Variants in LIPI observed in about 807,000 individuals in gnomAD.
LIPI encodes lipase I.
LIPI carries 59 observed loss-of-function variants against 50.6 expected under a neutral mutation model. The ratio of observed to expected loss-of-function variants is 1.16; its 90% CI spans 0.94 to 1.45. The LOEUF (loss-of-function observed/expected upper bound fraction) is 1.45, where lower values mean the gene tolerates loss of function less well. Ranked by LOEUF, LIPI falls within the 40% of genes most tolerant of loss-of-function variation. The pLI is 0.00. For missense variants in LIPI, 586 were observed against 536.3 expected, an observed-to-expected ratio of 1.09 and a Z score of -0.92; for synonymous variants, 203 against 178.2, an observed-to-expected ratio of 1.14 and a Z score of -1.11.
chr21:14,194,768 T>C lies in LIPI; in HGVS notation c.47-5349A>G, dbSNP rs143844869. ...TGGTTGCATGACAGTGTGCATGCAG[T>C]TAATGCCACTAACCTATAAACTTAA... On this transcript the variant is annotated intron_variant, in intron 1 of 9. Coordinates refer to ENST00000681601, the MANE Select transcript of LIPI (RefSeq NM_001302998.2). 7.8e-3 allele frequency among the ~76,000 whole-genome samples: 1,184 copies of C among 152,276 alleles called. 14 individuals are homozygous for C. The highest frequency in any genetic ancestry group is 0.018 in the African/African-American group (751 of 41,564).
intron 9 of LIPI, among the ~76,000 whole-genome samples, chr21:14,138,188 C>A (rs896160726): frequency 2.7e-5 from 4 of 149,986 alleles, no homozygotes; most frequent in African/African-American, 9.8e-5. Context: ...CACCTGAACC[C>A]CCTAAACATA....
chr21:14,163,550 A>G (rs1223310088), intron 6 of LIPI, 27 bp from the exon 7 acceptor site: 2 of 1,081,448 alleles, frequency 1.8e-6, no homozygotes, highest in South Asian at 1.2e-5. Context: ...AGAACATTAG[A>G]AATTGGATTT....
rs779781375 is a variant in LIPI, at chr21:14,181,778, A to G, written c.623T>C (p.Val208Ala). The G allele has an allele frequency of 3.1e-6, 5 of 1,606,098 alleles. No homozygotes were observed. Among genetic ancestry groups the G allele is most frequent in the Non-Finnish European group, 4.3e-6 (5 of 1,173,172 alleles). ...LDYTDAKFVD[V>A]IHSDSNGLGI... ...GTTACCATTGGAGTCAGAATGGATG[A>G]CATCCACAAACTTTGCATCCGTGTA... The change falls in exon 4 of 10, where the codon GTC becomes GCC. Residue 208 changes from valine (V) to alanine (A), a missense_variant. Physicochemically the swap from Val to Ala is moderately conservative, Grantham distance 64. Transcript: ENST00000681601.
In LIPI at chr21:14,172,123, C is replaced by T. The variant is rs1387910280; in HGVS notation, c.644-5672G>A. Among the ~76,000 whole-genome samples the T allele has an allele frequency of 2.4e-4, 37 of 152,116 alleles. 1 individual carries two copies. Among genetic ancestry groups the T allele is most frequent in the East Asian group, 2.3e-3 (12 of 5,164 alleles). On this transcript the variant is annotated intron_variant, in intron 4 of 9. Transcript: ENST00000681601. ...CAAAAAACACATGAAAAAATGCTCA[C>T]CATCACTGGCCATCAGAGAAATGCA...
At chr21:14,164,380 A>C (rs1210548329) in intron 6 of LIPI, among the ~76,000 whole-genome samples, 1 of 152,198 alleles carries the variant, frequency 6.6e-6, no homozygotes, top group Non-Finnish European at 1.5e-5. Flanking sequence ...GGTGTCTTAT[A>C]GACAGAAAAG....
intron 8 of LIPI, among the ~76,000 whole-genome samples, 158 bp from the exon 9 acceptor site, chr21:14,144,957 C>T (rs2017849442): frequency 1.3e-5 from 2 of 151,390 alleles, no homozygotes; most frequent in African/African-American, 4.8e-5. Flanking sequence ...ATAATTAAAA[C>T]CGTAATTTAT....
rs1056232121 is a variant in LIPI, at chr21:14,139,692, T to C, written c.1295+4931A>G. Among the ~76,000 whole-genome samples the C allele has an allele frequency of 3.9e-5, 6 of 152,076 alleles. No individual in the cohort carries two copies. In the South Asian group the frequency reaches 1.2e-3, roughly 32 times the overall value. On this transcript the variant is annotated intron_variant, in intron 9 of 9. Coordinates refer to ENST00000681601, the MANE Select transcript of LIPI (RefSeq NM_001302998.2). Reference sequence around the variant, plus strand: ...AAATTCCAGGTAAGAGGATTGATAGTGGAAGAGCTGCTGCTCACAATTGTA... The same window carrying C: ...AAATTCCAGGTAAGAGGATTGATAGCGGAAGAGCTGCTGCTCACAATTGTA...
intron 1 of LIPI, among the ~76,000 whole-genome samples, chr21:14,205,050 A>G (rs2123350303): frequency 1.3e-5 from 2 of 151,928 alleles, no homozygotes; most frequent in South Asian, 4.1e-4. Flanking sequence ...AAAGAAAAAG[A>G]ATACTATAGT....
intron 7 of LIPI, among the ~76,000 whole-genome samples, chr21:14,153,944 C>A (rs539069846): frequency 1.3e-5 from 2 of 151,584 alleles, no homozygotes; most frequent in African/African-American, 4.8e-5. Flanking sequence ...TTGAAAGACC[C>A]CCACAAATTT....
At chr21:14,127,541 TTC>T (rs2017113754) in intron 9 of LIPI, among the ~76,000 whole-genome samples, 1 of 152,246 alleles carries the variant, frequency 6.6e-6, no homozygotes, top group African/African-American at 2.4e-5. Flanking sequence ...TGCATACTTG[TTC>T]TGTTTTCTTT....
chr21:14,149,260 C>A (rs2018005147), intron 8 of LIPI, among the ~76,000 whole-genome samples: 2 of 152,066 alleles, frequency 1.3e-5, no homozygotes, highest in African/African-American at 4.8e-5. Context: ...AATAGAGAAG[C>A]CCCATATAAA....
chr21:14,202,692 T>C (rs1387667430), intron 1 of LIPI, among the ~76,000 whole-genome samples: 5 of 152,160 alleles, frequency 3.3e-5, no homozygotes, highest in Non-Finnish European at 7.4e-5. Context: ...TCAAGATGGA[T>C]TAAAGACTTA....
intron 7 of LIPI, among the ~76,000 whole-genome samples, chr21:14,156,191 A>G (rs1344485552): frequency 3.3e-5 from 5 of 152,002 alleles, no homozygotes; most frequent in Non-Finnish European, 7.4e-5. Context: ...CTTATATAGC[A>G]AAGGATAATT....
intron 9 of LIPI, among the ~76,000 whole-genome samples, chr21:14,125,936 T>A (rs1295670130): frequency 6.6e-6 from 1 of 152,096 alleles, no homozygotes; most frequent in African/African-American, 2.4e-5. Flanking sequence ...ATGGCAGAGA[T>A]CATCATCATT....
At chr21:14,128,665 C>T (rs551372916) in intron 9 of LIPI, among the ~76,000 whole-genome samples, 50 of 147,326 alleles carry the variant, frequency 3.4e-4, no homozygotes, top group African/African-American at 3.7e-4. Context: ...CTTAGGTACA[C>T]GATATATCTT....
rs1431674494 is a variant in LIPI, at chr21:14,174,248, C to T, written c.643+7510G>A. 2.6e-5 allele frequency among the ~76,000 whole-genome samples: 4 copies of T among 152,210 alleles called. No homozygotes were observed. The East Asian group carries it at 7.7e-4, about 29-fold the overall frequency. On this transcript the variant is annotated intron_variant, in intron 4 of 9. Transcript: ENST00000681601. The stretch of plus-strand genomic sequence containing the variant: ...CCCTTTTATCAGATTGGGTGGGGGG[C>T]AGCTTGGTCTGCTTAGATCATTCAT...
intron 1 of LIPI, among the ~76,000 whole-genome samples, chr21:14,210,276 C>A (rs1436071117): frequency 6.6e-6 from 1 of 151,966 alleles, no homozygotes; most frequent in Non-Finnish European, 1.5e-5. Context: ...CGCCAATAAA[C>A]CAGAATAAAG....
chr21:14,151,377 C>T (rs1294709212), intron 8 of LIPI, among the ~76,000 whole-genome samples: 1 of 152,132 alleles, frequency 6.6e-6, no homozygotes, highest in Non-Finnish European at 1.5e-5. Context: ...GTCCATCGCA[C>T]ATTAATTTAG....
At chr21:14,121,630 G>T (rs184642023) in intron 9 of LIPI, among the ~76,000 whole-genome samples, 1 of 152,084 alleles carries the variant, frequency 6.6e-6, no homozygotes, top group Non-Finnish European at 1.5e-5. Context: ...TGGGTTAAAC[G>T]CTGGAATCCT....
Sources: gnomAD v4.1 joint callset for allele counts (sites outside exome capture counted in the v4.1 genomes callset) on GRCh38, gnomAD v4.1.1 for gene constraint, MANE v1.5 for transcripts, NCBI Gene and HGNC (gene_info 2026-07-23, HGNC 2026-07-21) for gene names.